PHACTR1: variants seen among roughly 807,000 people sequenced by gnomAD.
PHACTR1 encodes RPEL repeat containing 1.
Under a neutral mutation model 69.2 loss-of-function variants are expected in PHACTR1, and 16 were observed. The observed-to-expected ratio is 0.23, with a 90% confidence interval of 0.16 to 0.35. The LOEUF (loss-of-function observed/expected upper bound fraction) is 0.35, where lower values mean the gene tolerates loss of function less well. Ranked by LOEUF, PHACTR1 falls within the 10% of genes least tolerant of loss-of-function variation. The pLI is 1.00. For synonymous variants in PHACTR1, 312 were observed against 284.5 expected (o/e 1.10, Z -0.97); for missense variants, 510 against 734.7 (o/e 0.69, Z 3.54).
chr6:12,772,226 T>C (rs1769480029), intron 4 of PHACTR1, among the ~76,000 whole-genome samples: 1 of 152,202 alleles, frequency 6.6e-6, no homozygotes, highest in Non-Finnish European at 1.5e-5. Flanking sequence ...GCTTTCCAAA[T>C]GAGATCCTGT....
chr6:12,845,586 T>C (rs1779181906), intron 4 of PHACTR1, among the ~76,000 whole-genome samples: 4 of 152,012 alleles, frequency 2.6e-5, no homozygotes, highest in African/African-American at 9.7e-5. Flanking sequence ...ATTATTATCA[T>C]ATATAAGGCA....
chr6:13,169,574 G>A (rs1359554511), intron 6 of PHACTR1, among the ~76,000 whole-genome samples: 1 of 152,128 alleles, frequency 6.6e-6, no homozygotes, highest in Non-Finnish European at 1.5e-5. Context: ...TCAAAAAATA[G>A]GAGGTCAACC....
chr6:12,872,275 C>A (rs971562107), intron 4 of PHACTR1, among the ~76,000 whole-genome samples: 2 of 151,836 alleles, frequency 1.3e-5, no homozygotes, highest in Admixed American at 1.3e-4. Context: ...TTTTTAAATA[C>A]CCTAACTAAA....
At chr6:13,106,667 G>A (rs947265784) in intron 5 of PHACTR1, among the ~76,000 whole-genome samples, 2 of 151,966 alleles carry the variant, frequency 1.3e-5, no homozygotes, top group Non-Finnish European at 2.9e-5. Flanking sequence ...TCTTAGAGAT[G>A]GGGTCTCACT....
At chr6:13,092,314 T>G (rs568081275) in intron 5 of PHACTR1, among the ~76,000 whole-genome samples, 1 of 152,320 alleles carries the variant, frequency 6.6e-6, no homozygotes, top group South Asian at 2.1e-4. Flanking sequence ...ATTTTCATTC[T>G]TTTGTATACA....
intron 4 of PHACTR1, among the ~76,000 whole-genome samples, 163 bp downstream of exon 4, chr6:12,749,953 A>G (rs1483707336): frequency 2.0e-5 from 3 of 152,016 alleles, no homozygotes; most frequent in African/African-American, 7.2e-5. Flanking sequence ...CGTGTGTGCG[A>G]GCTACGGGGT....
intron 6 of PHACTR1, among the ~76,000 whole-genome samples, chr6:13,162,092 T>TTTGTTGTTG (rs72034845): frequency 6.6e-6 from 1 of 151,016 alleles, no homozygotes; most frequent in Non-Finnish European, 1.5e-5. Flanking sequence ...CCTCCCTTGT[T>TTTGTTGTTG]TTGTTGTTGT....
intron 4 of PHACTR1, among the ~76,000 whole-genome samples, chr6:12,973,019 C>A (rs139559254): frequency 8.9e-4 from 135 of 152,210 alleles, no homozygotes; most frequent in Non-Finnish European, 1.7e-3. Flanking sequence ...TCTTGCATTC[C>A]TTTTATAGGG....
chr6:13,177,554 C>T (rs943723464), intron 6 of PHACTR1, among the ~76,000 whole-genome samples: 1 of 152,168 alleles, frequency 6.6e-6, no homozygotes, highest in Non-Finnish European at 1.5e-5. Flanking sequence ...GTCACCCATT[C>T]TCCATAGTGA....
chr6:13,123,282 T>G (rs1310672015), intron 5 of PHACTR1, among the ~76,000 whole-genome samples: 1 of 152,126 alleles, frequency 6.6e-6, no homozygotes, highest in Non-Finnish European at 1.5e-5. Context: ...GGGATCAGAT[T>G]TAGTAGTGGG....
At chr6:12,799,501 A>G (rs2127674575) in intron 4 of PHACTR1, among the ~76,000 whole-genome samples, 1 of 152,372 alleles carries the variant, frequency 6.6e-6, no homozygotes, top group Middle Eastern at 3.4e-3. Flanking sequence ...TCACAATACC[A>G]GGTGCTCTGA....
intron 4 of PHACTR1, among the ~76,000 whole-genome samples, chr6:12,900,808 C>G (rs1274145694): frequency 6.6e-6 from 1 of 152,180 alleles, no homozygotes; most frequent in African/African-American, 2.4e-5. Flanking sequence ...ACTAATCATT[C>G]CTAACTCTTG....
intron 4 of PHACTR1, among the ~76,000 whole-genome samples, chr6:12,935,308 A>G (rs184333917): frequency 6.6e-6 from 1 of 152,200 alleles, no homozygotes; most frequent in Admixed American, 6.5e-5. Flanking sequence ...CAGTAGTACA[A>G]TCTCGGCTCA....
intron 6 of PHACTR1, among the ~76,000 whole-genome samples, chr6:13,174,971 T>C (rs1761122966): frequency 6.6e-6 from 1 of 152,174 alleles, no homozygotes; most frequent in Non-Finnish European, 1.5e-5. Flanking sequence ...ATATAAAAAG[T>C]CCAACATAAT....
intron 10 of PHACTR1, among the ~76,000 whole-genome samples, chr6:13,265,856 T>G (rs1352614393): frequency 1.3e-5 from 2 of 152,102 alleles, no homozygotes; most frequent in Admixed American, 6.6e-5. Flanking sequence ...TTCGGCAAAG[T>G]TCCATCCTAA....
Position 13,119,690 on chromosome 6 carries a change from G to A in PHACTR1, c.416-40514G>A, listed in dbSNP as rs139026848. ...CCAGCAGGTCATCCCTGAAGGGCAG[G>A]GCCTGAGAGAGGCTGAGCGGATAAA... On this transcript the variant is annotated intron_variant, in intron 5 of 14. Transcript: ENST00000332995. Among the ~76,000 whole-genome samples the A allele has an allele frequency of 4.5e-3, 680 of 152,278 alleles. 5 individuals carry two copies. Among genetic ancestry groups the A allele is most frequent in the African/African-American group, 0.015 (640 of 41,552 alleles).
chr6:13,040,986 A>G (rs937185268), intron 4 of PHACTR1, among the ~76,000 whole-genome samples: 3 of 152,206 alleles, frequency 2.0e-5, no homozygotes, highest in African/African-American at 7.2e-5. Flanking sequence ...CATTTGGAAG[A>G]AAGAACTTAA....
intron 5 of PHACTR1, among the ~76,000 whole-genome samples, chr6:13,059,102 A>G (rs1807266585): frequency 6.6e-6 from 1 of 152,146 alleles, no homozygotes. Context: ...TTTGGCATGG[A>G]ATGTTCCATT....
At chr6:13,180,476 G>A (rs895856393) in intron 6 of PHACTR1, among the ~76,000 whole-genome samples, 5 of 152,102 alleles carry the variant, frequency 3.3e-5, no homozygotes, top group South Asian at 2.1e-4. Context: ...TCATCCAACC[G>A]CAGTTACATC....
Sources: gnomAD v4.1 joint callset for allele counts (sites outside exome capture counted in the v4.1 genomes callset) on GRCh38, gnomAD v4.1.1 for gene constraint, MANE v1.5 for transcripts, NCBI Gene and HGNC (gene_info 2026-07-23, HGNC 2026-07-21) for gene names.